The following UBAP1 variants were observed in gnomAD, a reference collection of about 807,000 sequenced individuals.
The protein encoded by UBAP1 is ubiquitin-associated protein 1.
Under a neutral mutation model 39.0 loss-of-function variants are expected in UBAP1, and 5 were observed. That is an observed-to-expected ratio of 0.13 (90% CI 0.07 to 0.27). The LOEUF (loss-of-function observed/expected upper bound fraction) is 0.27, where lower values mean the gene tolerates loss of function less well. Among genes scored for constraint, UBAP1 ranks in the 10% least tolerant of loss-of-function variants. The pLI is 1.00. For missense variants in UBAP1, 490 were observed against 608.1 expected, an observed-to-expected ratio of 0.81 and a Z score of 2.04; for synonymous variants, 211 against 225.1, an observed-to-expected ratio of 0.94 and a Z score of 0.56.
At chr9:34,239,624 T>C (rs1833864820) in intron 3 of UBAP1, among the ~76,000 whole-genome samples, 1 of 152,208 alleles carries the variant, frequency 6.6e-6, no homozygotes, top group Non-Finnish European at 1.5e-5. Context: ...GAACATCCTC[T>C]GGTGTCACTC....
intron 2 of UBAP1, among the ~76,000 whole-genome samples, chr9:34,224,827 A>C (rs1587852326): frequency 6.6e-6 from 1 of 151,998 alleles, no homozygotes; most frequent in Non-Finnish European, 1.5e-5. Context: ...AACTAAGGCT[A>C]CTCCTTCCAC....
chr9:34,250,013 A>C, intron 5 of UBAP1, 52 bp downstream of exon 5: 1 of 1,590,728 alleles, frequency 6.3e-7, no homozygotes, highest in South Asian at 1.1e-5. Context: ...GAGCTGGAGT[A>C]GTGTCCTCCC....
At chr9:34,181,116 CT>C (rs67856544) in intron 1 of UBAP1, among the ~76,000 whole-genome samples, 764 of 72,258 alleles carry the variant, frequency 0.011, 17 homozygotes, top group African/African-American at 0.037. Context: ...GGCCTGTTTT[CT>C]TTTTTTTTTT....
intron 1 of UBAP1, among the ~76,000 whole-genome samples, chr9:34,207,784 G>T (rs1411278902): frequency 6.6e-6 from 1 of 150,864 alleles, no homozygotes; most frequent in Non-Finnish European, 1.5e-5. Context: ...ATATATGAAG[G>T]CTGTTTCAGA....
At chr9:34,218,025 G>T (rs1832433802) in intron 1 of UBAP1, among the ~76,000 whole-genome samples, 1 of 150,280 alleles carries the variant, frequency 6.7e-6, no homozygotes, top group African/African-American at 2.4e-5. Context: ...GGCCGAGGCG[G>T]GTGGATCACA....
chr9:34,222,457 A>G (rs1307926990), intron 2 of UBAP1, among the ~76,000 whole-genome samples: 2 of 152,068 alleles, frequency 1.3e-5, no homozygotes, highest in African/African-American at 2.4e-5. Context: ...TTATTTATGG[A>G]TTATTACAGG....
intron 3 of UBAP1, among the ~76,000 whole-genome samples, chr9:34,236,701 T>A (rs995231914): frequency 3.3e-5 from 5 of 152,040 alleles, no homozygotes; most frequent in African/African-American, 1.2e-4. Flanking sequence ...ATTTTTCACC[T>A]GGGCTGTTGC....
At chr9:34,194,563 C>T (rs1476222156) in intron 1 of UBAP1, among the ~76,000 whole-genome samples, 2 of 152,146 alleles carry the variant, frequency 1.3e-5, no homozygotes, top group Admixed American at 6.6e-5. Context: ...ATCCTCCTGC[C>T]TCGGCCTCCC....
chr9:34,196,931 TGTG>T (rs1831099985), intron 1 of UBAP1, among the ~76,000 whole-genome samples: 1 of 151,308 alleles, frequency 6.6e-6, no homozygotes, highest in Non-Finnish European at 1.5e-5. Flanking sequence ...TGTGTGTGTG[TGTG>T]TGTTTTTAAT....
intron 2 of UBAP1, chr9:34,223,977 C>T (rs551723046): frequency 1.4e-4 from 54 of 399,424 alleles, no homozygotes; most frequent in Non-Finnish European, 2.1e-4. Context: ...GAAGACAAAA[C>T]GAGGATTTAT....
chr9:34,242,145 TC>T, intron 4 of UBAP1, 37 bp downstream of exon 4: 1 of 1,530,556 alleles, frequency 6.5e-7, no homozygotes, highest in Non-Finnish European at 8.8e-7. Context: ...TCCCATATTT[TC>T]CTGATGACAG....
At chr9:34,205,875 C>T (rs2131544724) in intron 1 of UBAP1, among the ~76,000 whole-genome samples, 1 of 152,286 alleles carries the variant, frequency 6.6e-6, no homozygotes, top group South Asian at 2.1e-4. Flanking sequence ...ACCTGTAGTC[C>T]CAGCTACTCA....
In UBAP1 at chr9:34,226,133, G is replaced by T. The variant is rs145386714; in HGVS notation, c.34+5185G>T. Among the ~76,000 whole-genome samples the T allele has an allele frequency of 9.6e-4, 138 of 143,302 alleles. 1 individual carries two copies. Among genetic ancestry groups the T allele is most frequent in the Middle Eastern group, 3.7e-3 (1 of 268 alleles). The allele number at this position is 143,302 out of a possible 152,430, so 94.0% of individuals were successfully genotyped here. Reference sequence around the variant, plus strand: ...TGTGTGTGTGTGTGTGTGTGTGTGTGTGTGTGTGTGTGTGTGTGTGTGTGG... The same window carrying T: ...TGTGTGTGTGTGTGTGTGTGTGTGTTTGTGTGTGTGTGTGTGTGTGTGTGG... On this transcript the variant is annotated intron_variant, in intron 2 of 6. Transcript: ENST00000297661.
chr9:34,211,800 A>T (rs1163899695), intron 1 of UBAP1, among the ~76,000 whole-genome samples: 1 of 151,488 alleles, frequency 6.6e-6, no homozygotes, highest in Admixed American at 6.6e-5. Flanking sequence ...TTCTCTTGTT[A>T]CCTGTTTCCC....
At chr9:34,227,681 A>G (rs1010658840) in intron 2 of UBAP1, among the ~76,000 whole-genome samples, 7 of 152,252 alleles carry the variant, frequency 4.6e-5, no homozygotes, top group Admixed American at 1.3e-4. Flanking sequence ...CCTAACTTCA[A>G]GGAACTGCCA....
chr9:34,239,004 T>G (rs1350510728), intron 3 of UBAP1, among the ~76,000 whole-genome samples: 1 of 152,204 alleles, frequency 6.6e-6, no homozygotes, highest in Non-Finnish European at 1.5e-5. Flanking sequence ...AAGAGCTCCA[T>G]TCCAATGTGG....
chr9:34,223,284 G>T (rs1013455000), intron 2 of UBAP1, among the ~76,000 whole-genome samples: 1 of 152,000 alleles, frequency 6.6e-6, no homozygotes, highest in African/African-American at 2.4e-5. Context: ...TACAAAATTA[G>T]CCGGGTGTAG....
At position 34,231,745 on chromosome 9, in the gene UBAP1, C is replaced by T. The variant is rs565890484; in HGVS notation, c.35-2471C>T. ...CTGCAAGCTCCGCCTCCCGGGTTCA[C>T]GACATTCTTCTGCCTCAGCCTCCCC... On this transcript the variant is annotated intron_variant, in intron 2 of 6. Transcript: ENST00000297661. Among the ~76,000 whole-genome samples, 180 of 151,730 alleles carry T rather than the reference C, an allele frequency of 1.2e-3. 1 individual carries two copies. Among genetic ancestry groups the T allele is most frequent in the Admixed American group, 3.0e-3 (46 of 15,236 alleles).
chr9:34,207,148 T>TTTAAGTGA (rs1831752493), intron 1 of UBAP1, among the ~76,000 whole-genome samples: 1 of 143,142 alleles, frequency 7.0e-6, no homozygotes, highest in Non-Finnish European at 1.5e-5. Context: ...GCCTCCCAGG[T>TTTAAGTGA]TTAAGTGATT....
Sources: gnomAD v4.1 joint callset for allele counts (sites outside exome capture counted in the v4.1 genomes callset) on GRCh38, gnomAD v4.1.1 for gene constraint, MANE v1.5 for transcripts, NCBI Gene and HGNC (gene_info 2026-07-23, HGNC 2026-07-21) for gene names.